CLEC16A: variants seen among roughly 807,000 people sequenced by gnomAD.
CLEC16A encodes C-type lectin domain containing 16A.
In CLEC16A, 51 loss-of-function variants were observed where a neutral mutation model predicts 109.5. That is an observed-to-expected ratio of 0.47 (90% CI 0.37 to 0.59). CLEC16A has a LOEUF of 0.59. Ranked by LOEUF, CLEC16A falls within the 20% of genes least tolerant of loss-of-function variation. The pLI, the probability that CLEC16A is intolerant of heterozygous loss-of-function variation, is 0.00. For missense variants in CLEC16A, 1,339 were observed against 1,394.0 expected (o/e 0.96, Z 0.63); for synonymous variants, 673 against 564.2 (o/e 1.19, Z -2.73).
intron 22 of CLEC16A, among the ~76,000 whole-genome samples, chr16:11,146,610 G>A (rs2054068451): frequency 6.6e-6 from 1 of 151,560 alleles, no homozygotes; most frequent in African/African-American, 2.4e-5. Flanking sequence ...GATGGGTAGA[G>A]AGGGATGGAT....
At chr16:11,037,625 G>C (rs984479459) in intron 13 of CLEC16A, among the ~76,000 whole-genome samples, 3 of 152,224 alleles carry the variant, frequency 2.0e-5, no homozygotes, top group African/African-American at 7.2e-5. Context: ...CCTGGTCCTA[G>C]TTTGCCTCTT....
intron 22 of CLEC16A, among the ~76,000 whole-genome samples, chr16:11,142,335 C>T (rs1397407544): frequency 1.3e-5 from 2 of 152,234 alleles, no homozygotes; most frequent in Non-Finnish European, 2.9e-5. Context: ...GCACTGTGAT[C>T]ATACTTGCAG....
intron 23 of CLEC16A, among the ~76,000 whole-genome samples, chr16:11,177,737 G>A (rs2068813280): frequency 6.6e-6 from 1 of 152,170 alleles, no homozygotes; most frequent in Non-Finnish European, 1.5e-5. Flanking sequence ...ATAATGGCCT[G>A]AGGAACCACA....
intron 22 of CLEC16A, among the ~76,000 whole-genome samples, chr16:11,133,488 C>A (rs911529024): frequency 3.9e-5 from 6 of 152,132 alleles, no homozygotes; most frequent in Non-Finnish European, 7.4e-5. Context: ...AAAGCCTCGC[C>A]GGTTCCAGAG....
At chr16:10,949,952 C>T (rs1335973044) in intron 1 of CLEC16A, among the ~76,000 whole-genome samples, 8 of 152,216 alleles carry the variant, frequency 5.3e-5, no homozygotes, top group Admixed American at 2.0e-4. Context: ...AGCTCTATCC[C>T]GAAAATGCCA....
Position 10,961,389 on chromosome 16 carries a change from G to C in CLEC16A, c.210-1066G>C, listed in dbSNP as rs1480822397. Among the ~76,000 whole-genome samples, 2 of 152,140 alleles carry C rather than the reference G, an allele frequency of 1.3e-5. No individual in the cohort carries two copies. The highest frequency in any genetic ancestry group is 2.4e-5 in the African/African-American group (1 of 41,412). On this transcript the variant is annotated intron_variant, in intron 2 of 23. Transcript: ENST00000409790. This position sits in a 1 kb window ranked among gnomAD's most constrained non-coding sequence, Gnocchi z 4.3. ...CACCACTGTGGAGATGCCAGACGAGGACAGAGAGGCACCCACAACTGAGTC... is the reference window on the plus strand; with the variant it reads ...CACCACTGTGGAGATGCCAGACGAGCACAGAGAGGCACCCACAACTGAGTC...
chr16:11,150,643 G>T (rs1567394457), intron 22 of CLEC16A, among the ~76,000 whole-genome samples: 1 of 152,174 alleles, frequency 6.6e-6, no homozygotes, highest in Admixed American at 6.5e-5. Flanking sequence ...CTTCATTCTT[G>T]ATGACTGCAT....
chr16:11,083,797 C>T (rs1031582715), intron 19 of CLEC16A, among the ~76,000 whole-genome samples: 3 of 152,216 alleles, frequency 2.0e-5, no homozygotes, highest in Non-Finnish European at 4.4e-5. Flanking sequence ...CTCCCCTGTC[C>T]GCTGGGAGGC....
chr16:10,999,285 C>G (rs956685519), intron 10 of CLEC16A, among the ~76,000 whole-genome samples: 7 of 152,014 alleles, frequency 4.6e-5, no homozygotes, highest in Non-Finnish European at 8.8e-5. Context: ...AATCTCAAAC[C>G]AAAAGGTATA....
rs911099998 is a variant in CLEC16A, at chr16:11,120,904, T to C, written c.2268+138T>C. ...ATTATACAAGGTATATGTGAACAAA[T>C]TGTCACCCAAAAAAAAGCTAAAATA... On this transcript the variant is annotated intron_variant, in intron 20 of 23. Transcript: ENST00000409790. The C allele has an allele frequency of 1.6e-5, 15 of 959,318 alleles. 1 individual carries two copies. The highest frequency in any genetic ancestry group is 2.0e-5 in the Non-Finnish European group (15 of 734,260). The allele number at this position is 959,318 out of a possible 1,614,324, so 59.4% of individuals were successfully genotyped here.
intron 12 of CLEC16A, among the ~76,000 whole-genome samples, chr16:11,021,870 C>T (rs546022066): frequency 6.6e-6 from 1 of 152,140 alleles, no homozygotes; most frequent in South Asian, 2.1e-4. Flanking sequence ...TAAATGGAAA[C>T]AGAGAACATA....
chr16:10,949,980 G>A (rs2041638875), intron 1 of CLEC16A, among the ~76,000 whole-genome samples: 1 of 152,180 alleles, frequency 6.6e-6, no homozygotes, highest in South Asian at 2.1e-4. Flanking sequence ...CCTAAAAATT[G>A]CCCTGGTGAC....
intron 22 of CLEC16A, among the ~76,000 whole-genome samples, chr16:11,138,801 G>C (rs1260922320): frequency 6.6e-6 from 1 of 152,146 alleles, no homozygotes; most frequent in Admixed American, 6.6e-5. Context: ...GCGATCATCT[G>C]GTCAAACCAC....
At chr16:11,161,729 C>T (rs1196406903) in intron 22 of CLEC16A, among the ~76,000 whole-genome samples, 2 of 152,230 alleles carry the variant, frequency 1.3e-5, no homozygotes, top group Non-Finnish European at 2.9e-5. Context: ...TCTCCCGTTG[C>T]TGTCCTGCAG....
intron 8 of CLEC16A, among the ~76,000 whole-genome samples, chr16:10,978,087 C>G (rs553172004): frequency 6.6e-6 from 1 of 152,164 alleles, no homozygotes; most frequent in Non-Finnish European, 1.5e-5. Context: ...ACAGAACTTG[C>G]GCAGCATGGA....
chr16:11,124,158 C>G (rs2052632716), intron 21 of CLEC16A, among the ~76,000 whole-genome samples: 1 of 152,240 alleles, frequency 6.6e-6, no homozygotes, highest in African/African-American at 2.4e-5. Context: ...AAGAGGAGCT[C>G]TCCCTAGCAG....
At chr16:11,019,024 C>G (rs2045933322) in intron 11 of CLEC16A, among the ~76,000 whole-genome samples, 1 of 152,184 alleles carries the variant, frequency 6.6e-6, no homozygotes, top group Non-Finnish European at 1.5e-5. Context: ...GCAGACGTCC[C>G]TGCATGAGCC....
At chr16:11,060,705 G>T in intron 18 of CLEC16A, among the ~76,000 whole-genome samples, 197 bp from the exon 19 acceptor site, 1 of 148,848 alleles carries the variant, frequency 6.7e-6, no homozygotes. Context: ...CTGAAAACAG[G>T]CTACTCCCCC....
At chr16:11,056,753 G>A (rs2048232694) in intron 18 of CLEC16A, 1 of 152,144 alleles carries the variant, frequency 6.6e-6, no homozygotes, top group Non-Finnish European at 1.5e-5. Flanking sequence ...AAAAGTAAAG[G>A]GAACAGTCTT....
Sources: allele counts gnomAD v4.1 joint callset (sites outside exome capture counted in the v4.1 genomes callset), GRCh38; gene constraint gnomAD v4.1.1; non-coding constraint Gnocchi (gnomAD v3.1); transcripts MANE v1.5; gene names NCBI Gene and HGNC (gene_info 2026-07-23, HGNC 2026-07-21).